Variants in FDFT1 observed in about 807,000 individuals in gnomAD.
FDFT1 encodes the protein farnesyl-diphosphate farnesyltransferase 1.
FDFT1 carries 68 observed loss-of-function variants against 46.8 expected under a neutral mutation model. The observed-to-expected ratio is 1.45, with a 90% CI of 1.19 to 1.78. The LOEUF (loss-of-function observed/expected upper bound fraction) is 1.78, where lower values mean the gene tolerates loss of function less well. Among genes scored for constraint, FDFT1 ranks in the 40% most tolerant of loss-of-function variants. The pLI, the probability that FDFT1 is intolerant of heterozygous loss-of-function variation, is 0.00. For synonymous variants in FDFT1, 351 were observed against 185.1 expected (o/e 1.90, Z -7.28); for missense variants, 928 against 524.4 (o/e 1.77, Z -7.52).
intron 1 of FDFT1, chr8:11,808,454 G>C (rs1317359693): frequency 1.6e-6 from 2 of 1,268,556 alleles, no homozygotes; most frequent in African/African-American, 3.1e-5. Flanking sequence ...CCCGCCCCTC[G>C]TCGGGCGCTT....
chr8:11,795,931 G>T (rs530752365), exon 1 of FDFT1: 160 of 152,570 alleles, frequency 1.0e-3, no homozygotes, highest in Non-Finnish European at 2.1e-3. Context: ...CTCACCGCGA[G>T]GGTGGGCGGT....
chr8:11,803,412 C>G, intron 1 of FDFT1: 1 of 1,288,776 alleles, frequency 7.8e-7, no homozygotes, highest in Non-Finnish European at 1.0e-6. Flanking sequence ...TGCTGCCTTC[C>G]ATCGCTTCAT....
intron 1 of FDFT1, among the ~76,000 whole-genome samples, chr8:11,805,201 C>T (rs1806674670): frequency 6.6e-6 from 1 of 152,164 alleles, no homozygotes; most frequent in African/African-American, 2.4e-5. Context: ...CAGGTGTGAG[C>T]CACTGCACCC....
At chr8:11,828,497 TCA>T (rs1810319815) in intron 5 of FDFT1, among the ~76,000 whole-genome samples, 2 of 152,196 alleles carry the variant, frequency 1.3e-5, no homozygotes, top group Non-Finnish European at 1.5e-5. Context: ...AAGTGGAGTC[TCA>T]GTCTCCCGGC....
At chr8:11,827,311 T>C (rs901226574) in intron 5 of FDFT1, among the ~76,000 whole-genome samples, 1 of 151,946 alleles carries the variant, frequency 6.6e-6, no homozygotes, top group Non-Finnish European at 1.5e-5. Flanking sequence ...ATGATTCTGC[T>C]GAAAGAGCAA....
intron 1 of FDFT1, chr8:11,803,384 C>A (rs897658648): frequency 7.8e-7 from 1 of 1,289,748 alleles, no homozygotes; most frequent in Non-Finnish European, 1.0e-6. Flanking sequence ...ACCACCTCTT[C>A]CGGAGCTCTC....
At chr8:11,809,879 G>A (rs1199924128) in intron 3 of FDFT1, 29 bp downstream of exon 3, 8 of 1,572,264 alleles carry the variant, frequency 5.1e-6, no homozygotes, top group South Asian at 1.1e-5. Flanking sequence ...CTTGTCTACG[G>A]ACTGTTGTGT....
upstream of FDFT1, chr8:11,802,272 G>A (rs1176553818): frequency 1.0e-5 from 4 of 382,896 alleles, no homozygotes; most frequent in Non-Finnish European, 2.1e-5. Flanking sequence ...TACAGAGAGC[G>A]GCTGCAGAGC....
At chr8:11,836,531 A>G (rs982106468) in intron 7 of FDFT1, among the ~76,000 whole-genome samples, 10 of 152,240 alleles carry the variant, frequency 6.6e-5, no homozygotes, top group African/African-American at 1.9e-4. Context: ...CTCAAGATCA[A>G]GCCAACTCAA....
chr8:11,810,648 GAC>G (rs1807583220), intron 3 of FDFT1, among the ~76,000 whole-genome samples: 1 of 152,150 alleles, frequency 6.6e-6, no homozygotes. Context: ...AGTTCATGTG[GAC>G]ATCTGCCTAG....
intron 1 of FDFT1, among the ~76,000 whole-genome samples, chr8:11,804,889 G>A (rs971418290): frequency 2.5e-4 from 38 of 149,290 alleles, no homozygotes; most frequent in African/African-American, 8.4e-4. Context: ...GATTACAGGC[G>A]TGAGCCACTG....
chr8:11,830,761 T>C (rs990731822), intron 6 of FDFT1, among the ~76,000 whole-genome samples: 2 of 152,190 alleles, frequency 1.3e-5, no homozygotes, highest in African/African-American at 4.8e-5. Context: ...GCTGTTATCA[T>C]TAAAAAGTCT....
At chr8:11,829,051 C>G (rs1034850751) in intron 5 of FDFT1, among the ~76,000 whole-genome samples, 1 of 152,186 alleles carries the variant, frequency 6.6e-6, no homozygotes, top group African/African-American at 2.4e-5. Context: ...CATACAGCAG[C>G]TCGAACCTTG....
chr8:11,820,811 C>T (rs929460732), intron 3 of FDFT1, among the ~76,000 whole-genome samples: 1 of 152,196 alleles, frequency 6.6e-6, no homozygotes. Flanking sequence ...ATCCCCTGAC[C>T]CCTTGCACTT....
intron 1 of FDFT1, among the ~76,000 whole-genome samples, chr8:11,806,962 G>C (rs138839113): frequency 6.6e-6 from 1 of 151,982 alleles, no homozygotes; most frequent in Non-Finnish European, 1.5e-5. Flanking sequence ...ACTTTTTCAG[G>C]ATTATGTGAT....
chr8:11,832,550 T>TAAAAAAAAAAAAAAAAA (rs1810947003), intron 7 of FDFT1, among the ~76,000 whole-genome samples: 1 of 13,412 alleles, frequency 7.5e-5, no homozygotes, highest in Non-Finnish European at 1.8e-4. Flanking sequence ...AGACTTTGTC[T>TAAAAAAAAAAAAAAAAA]CAAAAAAAAA....
intron 1 of FDFT1, among the ~76,000 whole-genome samples, chr8:11,807,491 CA>C (rs1253071554): frequency 6.6e-6 from 1 of 151,976 alleles, no homozygotes; most frequent in Non-Finnish European, 1.5e-5. Flanking sequence ...CAGTCTCTCC[CA>C]AAAAGAACTG....
intron 1 of FDFT1, among the ~76,000 whole-genome samples, chr8:11,804,874 G>C (rs528283875): frequency 1.3e-5 from 2 of 150,208 alleles, no homozygotes; most frequent in Non-Finnish European, 3.0e-5. Flanking sequence ...CTCCCAAAGT[G>C]CTAGGATTAC....
chr8:11,825,941 C>G, intron 4 of FDFT1, 83 bp from the exon 5 acceptor site: 1 of 959,242 alleles, frequency 1.0e-6, no homozygotes, highest in Non-Finnish European at 1.5e-6. Flanking sequence ...TTTGAACCTG[C>G]TTTTTTGTAG....
Sources: gnomAD v4.1 joint callset for allele counts (sites outside exome capture counted in the v4.1 genomes callset) on GRCh38, gnomAD v4.1.1 for gene constraint, MANE v1.5 for transcripts, NCBI Gene and HGNC (gene_info 2026-07-23, HGNC 2026-07-21) for gene names.